Variants in EAF2 observed in about 807,000 individuals in gnomAD.
The protein encoded by EAF2 is ELL associated factor 2.
A neutral mutation model predicts 29.4 loss-of-function variants in EAF2; 29 were observed. That is an observed-to-expected ratio of 0.99 (90% CI 0.73 to 1.35). The LOEUF (loss-of-function observed/expected upper bound fraction) is 1.35, where lower values mean the gene tolerates loss of function less well. EAF2 is among the 40% of genes most tolerant of loss of function. The pLI is 0.00. For missense variants in EAF2, 292 were observed against 312.0 expected, an observed-to-expected ratio of 0.94 and a Z score of 0.48; for synonymous variants, 103 against 102.5, an observed-to-expected ratio of 1.00 and a Z score of -0.03.
intron 1 of EAF2, 98 bp downstream of exon 1, chr3:121,835,489 A>C: frequency 9.6e-7 from 1 of 1,039,546 alleles, no homozygotes; most frequent in Non-Finnish European, 1.4e-6. Flanking sequence ...TACCCCTTAC[A>C]CTGTTGGAGA....
chr3:121,837,637 C>G (rs1209434348), intron 1 of EAF2: 1 of 152,106 alleles, frequency 6.6e-6, no homozygotes, highest in East Asian at 1.9e-4. Context: ...ATATTTGCCA[C>G]AGGGTAGAGA....
intron 4 of EAF2, among the ~76,000 whole-genome samples, chr3:121,861,611 T>C (rs1708833592): frequency 6.6e-6 from 1 of 152,230 alleles, no homozygotes; most frequent in Non-Finnish European, 1.5e-5. Flanking sequence ...TGATGGGTCT[T>C]GACTCTTTAT....
chr3:121,840,345 G>T (rs960011979), intron 1 of EAF2, among the ~76,000 whole-genome samples: 1 of 150,588 alleles, frequency 6.6e-6, no homozygotes, highest in Non-Finnish European at 1.5e-5. Flanking sequence ...ACAAAAATTA[G>T]CGGCCTGTGG....
At chr3:121,851,719 G>C (rs1708635234) in intron 2 of EAF2, among the ~76,000 whole-genome samples, 2 of 151,450 alleles carry the variant, frequency 1.3e-5, no homozygotes, top group African/African-American at 4.9e-5. Context: ...AATACGATTA[G>C]ATTTGCCTGC....
chr3:121,854,315 C>CAA (rs34965578), intron 2 of EAF2, among the ~76,000 whole-genome samples: 36,388 of 103,946 alleles, frequency 0.35, 6,856 homozygotes, highest in East Asian at 0.62. Context: ...GACTCTGTCT[C>CAA]AAAAAAAAAA....
At chr3:121,844,630 A>T (rs1708491336) in intron 2 of EAF2, 83 bp downstream of exon 2, 1 of 920,390 alleles carries the variant, frequency 1.1e-6, no homozygotes, top group Non-Finnish European at 1.6e-6. Flanking sequence ...CAATTTGTGT[A>T]GTGATAATTG....
At chr3:121,873,679 C>T (rs1034606034) in intron 5 of EAF2, among the ~76,000 whole-genome samples, 7 of 151,738 alleles carry the variant, frequency 4.6e-5, no homozygotes, top group Non-Finnish European at 7.4e-5. Flanking sequence ...TTAACATAAT[C>T]GTCTTGATTT....
chr3:121,858,976 T>C (rs892269734), intron 4 of EAF2, among the ~76,000 whole-genome samples: 4 of 152,178 alleles, frequency 2.6e-5, no homozygotes, highest in Non-Finnish European at 4.4e-5. Flanking sequence ...GATCAGATGA[T>C]TGTAGATGTG....
intron 1 of EAF2, among the ~76,000 whole-genome samples, chr3:121,842,366 T>A (rs140862377): frequency 3.8e-4 from 58 of 152,366 alleles, no homozygotes; most frequent in African/African-American, 1.3e-3. Context: ...ATAAATGGTA[T>A]TTGATAGCCC....
chr3:121,838,092 A>C (rs1033070533), intron 1 of EAF2, among the ~76,000 whole-genome samples: 5 of 152,202 alleles, frequency 3.3e-5, no homozygotes, highest in Non-Finnish European at 7.4e-5. Context: ...TTCTTATGAA[A>C]ATATTGGCAT....
intron 5 of EAF2, among the ~76,000 whole-genome samples, chr3:121,876,438 AGT>A (rs1709096848): frequency 6.6e-6 from 1 of 151,896 alleles, no homozygotes; most frequent in Admixed American, 6.6e-5. Flanking sequence ...ACAGAAGGAA[AGT>A]GTGGAATATG....
At chr3:121,854,612 A>T (rs1251678628) in intron 2 of EAF2, 75 bp from the exon 3 acceptor site, 1 of 1,260,402 alleles carries the variant, frequency 7.9e-7, no homozygotes, top group Non-Finnish European at 1.0e-6. Flanking sequence ...GAAACCCAGA[A>T]TCAAGATTTC....
intron 4 of EAF2, among the ~76,000 whole-genome samples, chr3:121,858,169 C>T (rs1169566343): frequency 6.6e-6 from 1 of 152,186 alleles, no homozygotes; most frequent in African/African-American, 2.4e-5. Flanking sequence ...ATTTATAATC[C>T]TTCGGGTATA....
chr3:121,840,886 A>G (rs1708408948), intron 1 of EAF2, among the ~76,000 whole-genome samples: 1 of 151,808 alleles, frequency 6.6e-6, no homozygotes. Flanking sequence ...AGTAAATGCT[A>G]CAGGAATGGA....
chr3:121,850,612 TTG>T (rs1345146719), intron 2 of EAF2, among the ~76,000 whole-genome samples: 1 of 152,224 alleles, frequency 6.6e-6, no homozygotes, highest in Non-Finnish European at 1.5e-5. Context: ...TGCCAAGATA[TTG>T]TGTTACATTA....
chr3:121,877,119 T>C (rs942237571), intron 5 of EAF2, among the ~76,000 whole-genome samples: 3 of 151,984 alleles, frequency 2.0e-5, no homozygotes, highest in African/African-American at 7.2e-5. Context: ...TAAAGGGACT[T>C]GGTAAATTAT....
At chr3:121,883,293 A>G (rs575755792) in intron 5 of EAF2, among the ~76,000 whole-genome samples, 129 of 152,328 alleles carry the variant, frequency 8.5e-4, no homozygotes, top group Non-Finnish European at 1.6e-3. Context: ...TATACAGACA[A>G]CTATTGTTAT....
intron 5 of EAF2, among the ~76,000 whole-genome samples, chr3:121,884,340 CAA>C (rs1192870196): frequency 1.9e-4 from 16 of 84,134 alleles, no homozygotes; most frequent in African/African-American, 2.2e-4. Context: ...AACTCCATCT[CAA>C]AAAAAAAAAA....
chr3:121,884,522 G>A (rs1709248900), intron 5 of EAF2, among the ~76,000 whole-genome samples: 2 of 151,378 alleles, frequency 1.3e-5, no homozygotes, highest in South Asian at 4.2e-4. Context: ...CCACCTCCTA[G>A]GTTCAAGTGA....
Sources: gnomAD v4.1 joint callset for allele counts (sites outside exome capture counted in the v4.1 genomes callset) on GRCh38, gnomAD v4.1.1 for gene constraint, MANE v1.5 for transcripts, NCBI Gene and HGNC (gene_info 2026-07-23, HGNC 2026-07-21) for gene names.